Variants in GRIN2A observed in about 807,000 individuals in gnomAD.
The protein encoded by GRIN2A is glutamate ionotropic receptor NMDA type subunit 2A, also known as glutamate receptor ionotropic, NMDA 2A.
A neutral mutation model predicts 113.4 loss-of-function variants in GRIN2A; 22 were observed. The ratio of observed to expected loss-of-function variants is 0.19; its 90% CI spans 0.14 to 0.28. The LOEUF (loss-of-function observed/expected upper bound fraction) is 0.28. Among genes scored for constraint, GRIN2A ranks in the 10% least tolerant of loss-of-function variants. The pLI, the probability that GRIN2A is intolerant of heterozygous loss-of-function variation, is 1.00. For missense variants in GRIN2A, 1,502 were observed against 1,887.0 expected, an observed-to-expected ratio of 0.80 and a Z score of 3.78; for synonymous variants, 827 against 738.4, an observed-to-expected ratio of 1.12 and a Z score of -1.94.
intron 2 of GRIN2A, chr16:10,112,344 G>A (rs2048633961): frequency 4.6e-6 from 3 of 652,478 alleles, no homozygotes; most frequent in Non-Finnish European, 8.4e-6. Context: ...TGGACTGCAT[G>A]TAGTTATGGG....
At chr16:10,168,905 C>A (rs955626438) in intron 2 of GRIN2A, among the ~76,000 whole-genome samples, 1 of 151,538 alleles carries the variant, frequency 6.6e-6, no homozygotes, top group African/African-American at 2.4e-5. Context: ...GCAGAGGTTG[C>A]AGTAAACCAA....
chr16:10,089,207 T>C (rs1345020222), intron 2 of GRIN2A, among the ~76,000 whole-genome samples: 5 of 152,202 alleles, frequency 3.3e-5, no homozygotes, highest in Admixed American at 3.3e-4. Flanking sequence ...TGAAAACTAA[T>C]ACAGTTCCTG....
chr16:9,806,145 C>T (rs2041961456), intron 10 of GRIN2A, among the ~76,000 whole-genome samples: 1 of 152,152 alleles, frequency 6.6e-6, no homozygotes, highest in African/African-American at 2.4e-5. Context: ...TTTTTGGAAA[C>T]ATTTTTACTG....
In GRIN2A at chr16:10,147,455, CAAAAAA is replaced by C. The variant is rs367830700; in HGVS notation, c.414+32537_414+32542del. On this transcript the variant is annotated intron_variant, in intron 2 of 12. Coordinates refer to ENST00000330684, the MANE Select transcript of GRIN2A (RefSeq NM_001134407.3). ...TGAAACACCGTCTCTACTAAAAATA[CAAAAAA>C]AAAAAAAAAAAAAAAAAATAGCCAG... is the stretch of plus-strand genomic sequence containing the variant. Among the ~76,000 whole-genome samples, 704 of 72,942 alleles carry C rather than the reference CAAAAAA, an allele frequency of 9.7e-3. 2 individuals are homozygous for C. The highest frequency in any genetic ancestry group is 0.035 in the Middle Eastern group (3 of 86). 47.9% of individuals were successfully genotyped at this position (72,942 alleles called of 152,430 possible).
intron 2 of GRIN2A, among the ~76,000 whole-genome samples, chr16:10,142,539 A>C (rs2049348284): frequency 6.6e-6 from 1 of 152,112 alleles, no homozygotes; most frequent in South Asian, 2.1e-4. Flanking sequence ...CAAAACATTT[A>C]AAAATTACCC....
chr16:9,783,876 A>G (rs2141188753), intron 11 of GRIN2A, among the ~76,000 whole-genome samples: 1 of 152,314 alleles, frequency 6.6e-6, no homozygotes, highest in Non-Finnish European at 1.5e-5. Flanking sequence ...GGAACAGAAA[A>G]CCAAATACCC....
intron 2 of GRIN2A, among the ~76,000 whole-genome samples, chr16:10,100,450 T>C (rs1462992941): frequency 2.0e-5 from 3 of 152,226 alleles, no homozygotes; most frequent in Admixed American, 1.3e-4. Context: ...TTTCGACTGA[T>C]GTTGGTCAAG....
intron 2 of GRIN2A, among the ~76,000 whole-genome samples, chr16:10,003,243 T>G (rs182207525): frequency 6.6e-6 from 1 of 152,164 alleles, no homozygotes; most frequent in Admixed American, 6.5e-5. Flanking sequence ...TCCTGGATTC[T>G]GATTCCAATG....
chr16:9,776,281 T>C (rs1384860983), intron 11 of GRIN2A, among the ~76,000 whole-genome samples: 1 of 31,718 alleles, frequency 3.2e-5, no homozygotes, highest in East Asian at 4.4e-3. Context: ...ATCCTGGATT[T>C]TTTTTTTTTT....
chr16:10,128,525 TGGAACCAGCCTTGGAATGCAGA>T (rs2048993628), intron 2 of GRIN2A, among the ~76,000 whole-genome samples: 1 of 152,194 alleles, frequency 6.6e-6, no homozygotes, highest in Non-Finnish European at 1.5e-5. Flanking sequence ...CTCCATTCAC[TGGAACCAGCCTTGGAATGCAGA>T]GGGCTCCTGC....
At chr16:9,846,895 T>A (rs2042782451) in intron 5 of GRIN2A, among the ~76,000 whole-genome samples, 1 of 152,320 alleles carries the variant, frequency 6.6e-6, no homozygotes, top group East Asian at 1.9e-4. Context: ...ATGTTTGCAT[T>A]AGGAAATACC....
At chr16:10,113,816 G>C (rs1211253068) in intron 2 of GRIN2A, among the ~76,000 whole-genome samples, 6 of 152,134 alleles carry the variant, frequency 3.9e-5, no homozygotes, top group Non-Finnish European at 7.4e-5. Flanking sequence ...CAGCGTTATT[G>C]AGTTGAAAAT....
At chr16:9,967,861 A>C (rs1325708933) in intron 2 of GRIN2A, among the ~76,000 whole-genome samples, 1 of 152,196 alleles carries the variant, frequency 6.6e-6, no homozygotes, top group African/African-American at 2.4e-5. Flanking sequence ...TGTAACCAAA[A>C]GCACCTGTAC....
At chr16:9,958,030 C>T (rs184111061) in intron 2 of GRIN2A, among the ~76,000 whole-genome samples, 1 of 152,186 alleles carries the variant, frequency 6.6e-6, no homozygotes, top group Admixed American at 6.5e-5. Context: ...TAGTGATAAA[C>T]TGCTTTAGAA....
At chr16:9,934,302 G>C (rs1335201820) in intron 3 of GRIN2A, among the ~76,000 whole-genome samples, 2 of 152,182 alleles carry the variant, frequency 1.3e-5, no homozygotes, top group African/African-American at 4.8e-5. Flanking sequence ...TGTTTGAGGA[G>C]AGAAATTATA....
At chr16:9,895,051 A>G (rs909947539) in intron 3 of GRIN2A, among the ~76,000 whole-genome samples, 1 of 152,196 alleles carries the variant, frequency 6.6e-6, no homozygotes, top group African/African-American at 2.4e-5. Context: ...CACACCCTGT[A>G]CCAGAACTAT....
intron 2 of GRIN2A, among the ~76,000 whole-genome samples, chr16:10,162,595 T>C (rs756768153): frequency 2.0e-4 from 30 of 152,230 alleles, no homozygotes; most frequent in African/African-American, 1.9e-4. Context: ...TGTGTTTATG[T>C]TGTGTCTTAA....
chr16:9,803,813 T>G (rs1234520123), intron 10 of GRIN2A, among the ~76,000 whole-genome samples: 2 of 152,150 alleles, frequency 1.3e-5, no homozygotes, highest in South Asian at 4.1e-4. Context: ...CAAAGACCAC[T>G]GACATAACCA....
chr16:9,824,618 T>C (rs2042352373), intron 9 of GRIN2A, among the ~76,000 whole-genome samples: 1 of 152,176 alleles, frequency 6.6e-6, no homozygotes, highest in Admixed American at 6.5e-5. Flanking sequence ...CCACACAAAA[T>C]TCAGCCTGAC....
Sources: allele counts gnomAD v4.1 joint callset (sites outside exome capture counted in the v4.1 genomes callset), GRCh38; gene constraint gnomAD v4.1.1; transcripts MANE v1.5; gene names NCBI Gene and HGNC (gene_info 2026-07-23, HGNC 2026-07-21).